The following NELL1 variants were observed in gnomAD, a reference collection of about 807,000 sequenced individuals.
The protein encoded by NELL1 is neural EGFL like 1.
NELL1 carries 76 observed loss-of-function variants against 107.4 expected under a neutral mutation model. The ratio of observed to expected loss-of-function variants is 0.71; its 90% CI spans 0.59 to 0.86. The LOEUF is 0.86. Among genes scored for constraint, NELL1 ranks in the 40% least tolerant of loss-of-function variants. The pLI, the probability that NELL1 is intolerant of heterozygous loss-of-function variation, is 0.00. For missense variants in NELL1, 1,024 were observed against 1,005.5 expected (o/e 1.02, Z -0.25); for synonymous variants, 353 against 341.2 (o/e 1.03, Z -0.38).
chr11:20,918,981 A>G (rs978198273), intron 6 of NELL1, among the ~76,000 whole-genome samples: 2 of 151,986 alleles, frequency 1.3e-5, no homozygotes, highest in African/African-American at 4.8e-5. Flanking sequence ...TTACCTCCCT[A>G]TAAAAATGAG....
intron 13 of NELL1, among the ~76,000 whole-genome samples, chr11:21,133,164 G>T (rs1435025281): frequency 2.0e-5 from 3 of 152,114 alleles, no homozygotes; most frequent in Non-Finnish European, 4.4e-5. Flanking sequence ...CCTCAGGCAG[G>T]TCATCTTGAT....
At chr11:20,927,486 G>A (rs761722531) in intron 8 of NELL1, 44 bp downstream of exon 8, 1 of 1,571,970 alleles carries the variant, frequency 6.4e-7, no homozygotes, top group Non-Finnish European at 8.6e-7. Flanking sequence ...AGTTTTAAGG[G>A]GAGAGGTTTG....
chr11:21,274,743 A>T (rs527758090), intron 14 of NELL1, among the ~76,000 whole-genome samples: 23 of 152,276 alleles, frequency 1.5e-4, no homozygotes, highest in Middle Eastern at 3.4e-3. Flanking sequence ...GGATTAAGAA[A>T]CTCACTCAAA....
chr11:20,959,709 A>T (rs1851251362), intron 11 of NELL1, among the ~76,000 whole-genome samples: 2 of 152,212 alleles, frequency 1.3e-5, no homozygotes, highest in Admixed American at 1.3e-4. Flanking sequence ...TACAAATTGG[A>T]TGCAGAGTAT....
At chr11:21,139,415 G>A (rs1418972168) in intron 13 of NELL1, among the ~76,000 whole-genome samples, 1 of 152,108 alleles carries the variant, frequency 6.6e-6, no homozygotes, top group Admixed American at 6.5e-5. Flanking sequence ...CCATTTCAGT[G>A]GAGCTTCCCT....
intron 2 of NELL1, among the ~76,000 whole-genome samples, chr11:20,780,863 C>G (rs985892557): frequency 1.3e-5 from 2 of 151,964 alleles, no homozygotes; most frequent in African/African-American, 4.8e-5. Context: ...CTCTAGTAAC[C>G]AAGGAGAAGA....
At chr11:21,344,452 C>A (rs1850642778) in intron 14 of NELL1, among the ~76,000 whole-genome samples, 1 of 151,972 alleles carries the variant, frequency 6.6e-6, no homozygotes, top group African/African-American at 2.4e-5. Flanking sequence ...ACCCAGACAG[C>A]AAACTCATGT....
Position 20,913,068 on chromosome 11 carries a change from T to C in NELL1, c.604-5114T>C, listed in dbSNP as rs76707754. Among the ~76,000 whole-genome samples, 23 of 152,276 alleles carry C rather than the reference T, an allele frequency of 1.5e-4. No homozygotes were observed. The East Asian group carries it at 4.4e-3, about 29-fold the overall frequency. On this transcript the variant is annotated intron_variant, in intron 5 of 19. Coordinates refer to ENST00000357134, the MANE Select transcript of NELL1 (RefSeq NM_006157.5). ...GGTTTTGCATGCTGGAATATTTTAT[T>C]AACGTCTTCAGGGCAGAAGTACATG...
At chr11:20,829,249 C>T (rs1032460539) in intron 3 of NELL1, among the ~76,000 whole-genome samples, 41 of 111,766 alleles carry the variant, frequency 3.7e-4, no homozygotes, top group South Asian at 1.1e-3. Flanking sequence ...TTTTTTGAGA[C>T]GGAGTCTTGT....
chr11:20,887,923 A>T (rs1183538603), intron 5 of NELL1, among the ~76,000 whole-genome samples: 1 of 152,210 alleles, frequency 6.6e-6, no homozygotes, highest in African/African-American at 2.4e-5. Context: ...ATGCTCAGTT[A>T]GTCCTCACAG....
chr11:21,342,775 C>T (rs1448391314), intron 14 of NELL1, among the ~76,000 whole-genome samples: 2 of 151,476 alleles, frequency 1.3e-5, no homozygotes, highest in African/African-American at 4.9e-5. Context: ...AGCATTGTGT[C>T]TGGTGCCAAA....
chr11:21,547,130 A>C (rs1856462684), intron 16 of NELL1, among the ~76,000 whole-genome samples: 1 of 151,882 alleles, frequency 6.6e-6, no homozygotes, highest in Non-Finnish European at 1.5e-5. Flanking sequence ...TCTAAGAAAA[A>C]AGCAACTAAC....
At chr11:20,778,922 T>A (rs1856803152) in intron 2 of NELL1, among the ~76,000 whole-genome samples, 2 of 152,126 alleles carry the variant, frequency 1.3e-5, no homozygotes, top group Non-Finnish European at 1.5e-5. Flanking sequence ...GCCCACCCAG[T>A]TCCTGTGTTA....
intron 2 of NELL1, among the ~76,000 whole-genome samples, chr11:20,720,202 G>GTTTTTTTTTTTTTTTTT (rs72275946): frequency 7.1e-6 from 1 of 141,058 alleles, no homozygotes; most frequent in Non-Finnish European, 1.5e-5. Flanking sequence ...GTTCATTCCT[G>GTTTTTTTTTTTTTTTTT]TTTTTTTTTT....
chr11:21,176,886 G>C (rs753617467), intron 13 of NELL1, among the ~76,000 whole-genome samples: 1 of 151,646 alleles, frequency 6.6e-6, no homozygotes, highest in African/African-American at 2.4e-5. Flanking sequence ...CTGATGTTAA[G>C]GGATGTTAAT....
intron 13 of NELL1, among the ~76,000 whole-genome samples, chr11:21,193,587 A>G (rs1052405062): frequency 2.0e-5 from 3 of 151,922 alleles, no homozygotes; most frequent in African/African-American, 7.3e-5. Flanking sequence ...TAGAGGAAAA[A>G]AATAATTTTA....
At chr11:20,943,551 C>T (rs1850901641) in intron 10 of NELL1, among the ~76,000 whole-genome samples, 1 of 151,990 alleles carries the variant, frequency 6.6e-6, no homozygotes, top group East Asian at 1.9e-4. Flanking sequence ...CCACTGCACT[C>T]CAGCCTAGTG....
At chr11:21,471,130 G>T (rs72955255) in intron 15 of NELL1, among the ~76,000 whole-genome samples, 3,796 of 152,004 alleles carry the variant, frequency 0.025, 69 homozygotes, top group Non-Finnish European at 0.037. Flanking sequence ...ATTTTTTAGG[G>T]TTTGTCAATC....
chr11:20,912,810 C>T (rs1443479116), intron 5 of NELL1, among the ~76,000 whole-genome samples: 1 of 152,110 alleles, frequency 6.6e-6, no homozygotes, highest in Non-Finnish European at 1.5e-5. Context: ...AGATGGTAAA[C>T]ATATGTTTAT....
Sources: allele counts gnomAD v4.1 joint callset (sites outside exome capture counted in the v4.1 genomes callset), GRCh38; gene constraint gnomAD v4.1.1; transcripts MANE v1.5; gene names NCBI Gene and HGNC (gene_info 2026-07-23, HGNC 2026-07-21).